Variants in LOXHD1 observed in about 807,000 individuals in gnomAD.
LOXHD1 encodes the protein lipoxygenase homology domain-containing protein 1.
LOXHD1 carries 205 observed loss-of-function variants against 248.2 expected under a neutral mutation model. The ratio of observed to expected loss-of-function variants is 0.83; its 90% CI spans 0.74 to 0.93. The LOEUF is 0.93. Among genes scored for constraint, LOXHD1 ranks in the 40% least tolerant of loss-of-function variants. The probability of loss-of-function intolerance (pLI) is 0.00; values close to 1 mark genes in which losing one functional copy is unlikely to be tolerated. For missense variants in LOXHD1, 2,930 were observed against 2,971.6 expected (o/e 0.99, Z 0.33); for synonymous variants, 1,113 against 1,162.8 (o/e 0.96, Z 0.87).
intron 37 of LOXHD1, among the ~76,000 whole-genome samples, chr18:46,492,245 G>C (rs1167379006): frequency 6.6e-6 from 1 of 152,194 alleles, no homozygotes; most frequent in Non-Finnish European, 1.5e-5. Context: ...GCTGCATGGT[G>C]GATATCCTAC....
intron 31 of LOXHD1, among the ~76,000 whole-genome samples, chr18:46,523,997 A>C (rs759081870): frequency 2.6e-5 from 4 of 152,226 alleles, no homozygotes; most frequent in Admixed American, 6.5e-5. Context: ...TAGCAAAAAG[A>C]ACTTGCCAGG....
intron 34 of LOXHD1, among the ~76,000 whole-genome samples, chr18:46,514,038 G>C (rs1437379416): frequency 6.6e-6 from 1 of 152,204 alleles, no homozygotes; most frequent in Non-Finnish European, 1.5e-5. Flanking sequence ...GGACCACTGG[G>C]AAAGCTGGAC....
intron 21 of LOXHD1, among the ~76,000 whole-genome samples, chr18:46,555,558 G>C (rs147000294): frequency 1.2e-4 from 18 of 152,290 alleles, no homozygotes; most frequent in African/African-American, 4.3e-4. Flanking sequence ...AAGTCTATGG[G>C]CTGGAAAGTT....
intron 6 of LOXHD1, among the ~76,000 whole-genome samples, chr18:46,608,804 C>A (rs773514785): frequency 6.6e-6 from 1 of 152,228 alleles, no homozygotes; most frequent in Non-Finnish European, 1.5e-5. Context: ...TGATTCAATG[C>A]CCAGTCCCAT....
At chr18:46,621,209 T>G (rs1471017239) in intron 4 of LOXHD1, among the ~76,000 whole-genome samples, 2 of 152,162 alleles carry the variant, frequency 1.3e-5, no homozygotes, top group Non-Finnish European at 2.9e-5. Context: ...AGGATCCCTG[T>G]GTGACAGGTG....
intron 8 of LOXHD1, among the ~76,000 whole-genome samples, chr18:46,597,571 C>A (rs984275444): frequency 4.6e-5 from 7 of 151,914 alleles, no homozygotes; most frequent in African/African-American, 9.7e-5. Context: ...CACACACACA[C>A]ACACACACCC....
At chr18:46,630,080 C>A (rs1314843168) in intron 4 of LOXHD1, among the ~76,000 whole-genome samples, 1 of 152,148 alleles carries the variant, frequency 6.6e-6, no homozygotes, top group African/African-American at 2.4e-5. Context: ...ACCTAAAGAA[C>A]AAGAGCAGGT....
At chr18:46,530,627 C>A (rs2036023894) in intron 28 of LOXHD1, among the ~76,000 whole-genome samples, 1 of 152,182 alleles carries the variant, frequency 6.6e-6, no homozygotes, top group African/African-American at 2.4e-5. Flanking sequence ...CCTGTCTTAT[C>A]AGCCCTTGCA....
At chr18:46,623,072 T>G (rs1292052206) in intron 4 of LOXHD1, among the ~76,000 whole-genome samples, 1 of 152,212 alleles carries the variant, frequency 6.6e-6, no homozygotes, top group Non-Finnish European at 1.5e-5. Flanking sequence ...GTGTATTATC[T>G]GTTGTTCAGT....
In LOXHD1 at chr18:46,545,459, T is replaced by G; in HGVS notation, c.3515-38A>C. ...TAGTATAGAGCAATGAATTGTAGAC[T>G]GTTCCTTTCATGAAAGGAGGAAAGA... On this transcript the variant is annotated intron_variant, in intron 22 of 40. Transcript: ENST00000642948. 4 of 1,469,236 alleles carry G rather than the reference T, an allele frequency of 2.7e-6. No homozygotes were observed. In the South Asian group the frequency reaches 3.6e-5, roughly 13 times the overall value. 91.0% of individuals were successfully genotyped at this position (1,469,236 alleles called of 1,614,324 possible).
In LOXHD1 at chr18:46,559,530, G is replaced by A; in HGVS notation, c.3134C>T (p.Thr1045Ile). The A allele has an allele frequency of 6.4e-7, 1 of 1,552,012 alleles. No individual in the cohort carries two copies. The highest frequency in any genetic ancestry group is 1.4e-5 in the African/African-American group (1 of 73,150). Reference protein sequence around the residue: ...KAGTDANVYLTIYGEEYGDTG... With the variant: ...KAGTDANVYLIIYGEEYGDTG... ...GTCTCCATACTCCTCGCCGTAGATG[G>A]TTAGGTAGACGTTAGCATCAGTGCC... The change falls in exon 20 of 41, where the codon ACC becomes ATC. Residue 1045 changes from threonine (T) to isoleucine (I), a missense_variant. Physicochemically the swap from Thr to Ile is moderately conservative, Grantham distance 89. Coordinates refer to ENST00000642948, the MANE Select transcript of LOXHD1 (RefSeq NM_001384474.1).
chr18:46,507,663 C>T lies in LOXHD1; in HGVS notation c.5567G>A (p.Gly1856Glu), dbSNP rs751149407. Reference sequence around the variant, plus strand: ...GCCCTTCCGCTGGGACAGCCAGTCTCCATAGTAGAACATGGTCAGGTCTCC... The same window carrying T: ...GCCCTTCCGCTGGGACAGCCAGTCTTCATAGTAGAACATGGTCAGGTCTCC... ...NTGDLTMFYY[G>E]DWLSQRKGKK... is the part of the protein sequence containing the mutation. Residue 1856 changes from glycine to glutamate, a missense_variant, in exon 36 of 41, where the codon GGA becomes GAA. Coordinates refer to ENST00000642948, the MANE Select transcript of LOXHD1 (RefSeq NM_001384474.1). The T allele has an allele frequency of 6.4e-7, 1 of 1,551,618 alleles. No individual in the cohort carries two copies. The highest frequency in any genetic ancestry group is 1.4e-5 in the African/African-American group (1 of 73,066).
At chr18:46,550,579 C>CAAAAAAAAAAAAAA (rs754046200) in intron 21 of LOXHD1, among the ~76,000 whole-genome samples, 3 of 45,470 alleles carry the variant, frequency 6.6e-5, no homozygotes, top group African/African-American at 2.2e-4. Flanking sequence ...GACTCCGTCT[C>CAAAAAAAAAAAAAA]AAAAAAAAAA....
At position 46,483,681 on chromosome 18, in the gene LOXHD1, C is replaced by T. The variant is rs971198898; in HGVS notation, c.6247G>A (p.Gly2083Ser). 1 of 1,551,678 alleles carries T rather than the reference C, an allele frequency of 6.4e-7. No individual in the cohort carries two copies. The highest frequency in any genetic ancestry group is 8.7e-7 in the Non-Finnish European group (1 of 1,146,984). Residue 2083 changes from glycine (G) to serine (S), a missense_variant, in exon 40 of 41, where the codon GGC becomes AGC. By Grantham distance (56) the Gly-to-Ser change is moderately conservative (BLOSUM62 0). Coordinates refer to ENST00000642948, the MANE Select transcript of LOXHD1 (RefSeq NM_001384474.1). ...AACCGGTCTTCCCTGGCAAGGTGGC[C>T]CACACAGAGGGAGGCAATGTCCCCC... is the stretch of plus-strand genomic sequence containing the variant. ...YLGDIASLCV[G>S]HLAREDRFIP... is the part of the protein sequence containing the mutation.
At chr18:46,604,655 A>C (rs16939736) in intron 6 of LOXHD1, among the ~76,000 whole-genome samples, 1 of 152,206 alleles carries the variant, frequency 6.6e-6, no homozygotes, top group African/African-American at 2.4e-5. Flanking sequence ...GGGGAACTGC[A>C]AGCCCCACAT....
chr18:46,522,455 G>T, intron 31 of LOXHD1, 146 bp from the exon 32 acceptor site: 3 of 652,422 alleles, frequency 4.6e-6, no homozygotes, highest in Non-Finnish European at 7.9e-6. Context: ...CTTCAGACTG[G>T]TAAGTTATCT....
At chr18:46,501,684 T>C (rs1319322513) in intron 37 of LOXHD1, among the ~76,000 whole-genome samples, 1 of 152,214 alleles carries the variant, frequency 6.6e-6, no homozygotes, top group Non-Finnish European at 1.5e-5. Context: ...CCTAACCCTG[T>C]GCTTCCCTTA....
At chr18:46,629,572 G>A (rs768341164) in intron 4 of LOXHD1, among the ~76,000 whole-genome samples, 4 of 151,882 alleles carry the variant, frequency 2.6e-5, no homozygotes, top group African/African-American at 7.3e-5. Flanking sequence ...TGGGCACTAC[G>A]CCCAACATGG....
intron 28 of LOXHD1, among the ~76,000 whole-genome samples, chr18:46,529,689 C>T (rs2035978680): frequency 2.0e-5 from 3 of 152,202 alleles, no homozygotes; most frequent in South Asian, 4.1e-4. Flanking sequence ...ACTAAATCTA[C>T]CTGCCATGAT....
Sources: allele counts gnomAD v4.1 joint callset (sites outside exome capture counted in the v4.1 genomes callset), GRCh38; gene constraint gnomAD v4.1.1; transcripts MANE v1.5; gene names NCBI Gene and HGNC (gene_info 2026-07-23, HGNC 2026-07-21).